Variants in LINGO2 observed in about 807,000 individuals in gnomAD.
LINGO2 encodes the protein leucine rich repeat and Ig domain containing 2, also known as leucine-rich repeat and immunoglobulin-like domain-containing nogo receptor-interacting protein 2.
Under a neutral mutation model 30.6 loss-of-function variants are expected in LINGO2, and 14 were observed. The ratio of observed to expected loss-of-function variants is 0.46; its 90% CI spans 0.30 to 0.72. The LOEUF (loss-of-function observed/expected upper bound fraction) is 0.72, where lower values mean the gene tolerates loss of function less well. Ranked by LOEUF, LINGO2 falls within the 30% of genes least tolerant of loss-of-function variation. LINGO2 has a pLI of 0.07. For synonymous variants in LINGO2, 317 were observed against 288.5 expected (o/e 1.10, Z -1.00); for missense variants, 729 against 751.7 (o/e 0.97, Z 0.35).
intron 3 of LINGO2, among the ~76,000 whole-genome samples, chr9:28,349,941 G>A (rs1449850837): frequency 6.6e-6 from 1 of 152,108 alleles, no homozygotes; most frequent in Non-Finnish European, 1.5e-5. Flanking sequence ...TTACAGACAA[G>A]CAAATGCTGA....
intron 1 of LINGO2, among the ~76,000 whole-genome samples, chr9:28,554,042 G>T (rs890071083): frequency 3.9e-5 from 6 of 151,990 alleles, no homozygotes; most frequent in Admixed American, 1.3e-4. Flanking sequence ...CGCTGCAAAA[G>T]CATGCCAAAA....
chr9:27,961,680 A>C (rs548916407), intron 5 of LINGO2, among the ~76,000 whole-genome samples: 14 of 152,336 alleles, frequency 9.2e-5, no homozygotes, highest in African/African-American at 2.9e-4. Context: ...ATCTGATTCC[A>C]ACACGAAAAA....
intron 4 of LINGO2, among the ~76,000 whole-genome samples, chr9:28,262,618 C>G (rs907371727): frequency 1.3e-5 from 2 of 151,916 alleles, no homozygotes; most frequent in Admixed American, 1.3e-4. Flanking sequence ...GAAAACTGAA[C>G]TGCGTTCAGA....
chr9:29,149,847 C>T, the LINGO2 span, among the ~76,000 whole-genome samples: 1 of 152,154 alleles, frequency 6.6e-6, no homozygotes, highest in African/African-American at 2.4e-5. Context: ...CTGAGCTGGC[C>T]GCAGGGCCAA....
At chr9:28,795,571 CTT>C in the LINGO2 span, among the ~76,000 whole-genome samples, 1 of 151,184 alleles carries the variant, frequency 6.6e-6, no homozygotes, top group Admixed American at 6.6e-5. Context: ...TTTAATATAT[CTT>C]ATATATCTTT....
intron 1 of LINGO2, among the ~76,000 whole-genome samples, chr9:28,644,714 A>C (rs924764000): frequency 8.5e-5 from 13 of 152,082 alleles, no homozygotes; most frequent in African/African-American, 2.9e-4. Context: ...AAAGCAAAGG[A>C]TAAATCCTTG....
At chr9:28,517,985 C>A (rs899630311) in intron 1 of LINGO2, among the ~76,000 whole-genome samples, 1 of 152,062 alleles carries the variant, frequency 6.6e-6, no homozygotes, top group Non-Finnish European at 1.5e-5. Context: ...AACGCAAAGC[C>A]AATTGGATTC....
At chr9:28,446,592 A>G (rs1007784593) in intron 2 of LINGO2, among the ~76,000 whole-genome samples, 3 of 152,110 alleles carry the variant, frequency 2.0e-5, no homozygotes, top group South Asian at 4.1e-4. Flanking sequence ...TTTTGACTCT[A>G]TTCACTAATC....
At chr9:28,681,398 C>G in the LINGO2 span, among the ~76,000 whole-genome samples, 1 of 152,188 alleles carries the variant, frequency 6.6e-6, no homozygotes, top group Non-Finnish European at 1.5e-5. Flanking sequence ...CAACCCCATA[C>G]TGTGGTGTCC....
intron 1 of LINGO2, among the ~76,000 whole-genome samples, chr9:28,663,208 T>C (rs1259141864): frequency 6.6e-6 from 1 of 152,148 alleles, no homozygotes; most frequent in African/African-American, 2.4e-5. Flanking sequence ...TCTCACTCTG[T>C]TGCCCAGGCT....
the LINGO2 span, among the ~76,000 whole-genome samples, chr9:28,906,169 T>C: frequency 1.3e-4 from 20 of 151,696 alleles, no homozygotes; most frequent in Non-Finnish European, 2.8e-4. Flanking sequence ...GCTGGGGAGA[T>C]GTGGGTCAAA....
At chr9:28,579,767 C>T (rs1476876080) in intron 1 of LINGO2, among the ~76,000 whole-genome samples, 71 of 151,974 alleles carry the variant, frequency 4.7e-4, no homozygotes, top group Non-Finnish European at 1.0e-4. Flanking sequence ...TATTTGGATT[C>T]CCTAATATTC....
At chr9:28,424,219 A>T (rs1440736105) in intron 2 of LINGO2, among the ~76,000 whole-genome samples, 1 of 152,140 alleles carries the variant, frequency 6.6e-6, no homozygotes, top group Non-Finnish European at 1.5e-5. Flanking sequence ...CAACCATTGA[A>T]ACTAGGCTGG....
At chr9:29,080,843 T>C in the LINGO2 span, among the ~76,000 whole-genome samples, 1 of 152,038 alleles carries the variant, frequency 6.6e-6, no homozygotes, top group South Asian at 2.1e-4. Flanking sequence ...TTACATTTGC[T>C]GAGTGAGGAG....
the LINGO2 span, among the ~76,000 whole-genome samples, chr9:29,144,508 G>A: frequency 6.6e-6 from 1 of 152,068 alleles, no homozygotes; most frequent in Admixed American, 6.6e-5. Context: ...TTAACTCACG[G>A]ATATGCTGTA....
chr9:28,091,054 G>A (rs1263791640), intron 4 of LINGO2, among the ~76,000 whole-genome samples: 3 of 152,104 alleles, frequency 2.0e-5, no homozygotes, highest in Non-Finnish European at 4.4e-5. Flanking sequence ...ACTGCTCAAC[G>A]AAATAAAAGA....
At chr9:28,504,541 T>A (rs995734556) in intron 1 of LINGO2, among the ~76,000 whole-genome samples, 1 of 151,854 alleles carries the variant, frequency 6.6e-6, no homozygotes, top group Non-Finnish European at 1.5e-5. Flanking sequence ...CATGATTGTT[T>A]AAAATGTTCT....
intron 1 of LINGO2, among the ~76,000 whole-genome samples, chr9:28,580,425 G>A (rs1053915033): frequency 4.6e-5 from 7 of 151,860 alleles, no homozygotes; most frequent in African/African-American, 1.7e-4. Flanking sequence ...AAATACACGC[G>A]ATTCTCTGGT....
the LINGO2 span, among the ~76,000 whole-genome samples, chr9:28,741,240 T>A: frequency 6.6e-6 from 1 of 152,024 alleles, no homozygotes; most frequent in South Asian, 2.1e-4. Context: ...TAGGACTGTA[T>A]CCTATGTCCA....
Sources: allele counts gnomAD v4.1 joint callset (sites outside exome capture counted in the v4.1 genomes callset), GRCh38; gene constraint gnomAD v4.1.1; transcripts MANE v1.5; gene names NCBI Gene and HGNC (gene_info 2026-07-23, HGNC 2026-07-21).